FAT3: variants seen among roughly 807,000 people sequenced by gnomAD.
FAT3 encodes protocadherin Fat 3.
A neutral mutation model predicts 310.2 loss-of-function variants in FAT3; 95 were observed. That is an observed-to-expected ratio of 0.31 (90% CI 0.26 to 0.36). FAT3 has a LOEUF of 0.36. FAT3 is among the 10% of genes least tolerant of loss of function. The pLI is 1.00. For missense variants in FAT3, 5,408 were observed against 5,715.6 expected, an observed-to-expected ratio of 0.95 and a Z score of 1.74; for synonymous variants, 2,314 against 2,192.9, an observed-to-expected ratio of 1.06 and a Z score of -1.54.
At chr11:92,585,346 A>G (rs1157589418) in intron 3 of FAT3, among the ~76,000 whole-genome samples, 1 of 152,034 alleles carries the variant, frequency 6.6e-6, no homozygotes, top group African/African-American at 2.4e-5. Flanking sequence ...GTACAAAGCC[A>G]CACAACAGAT....
At chr11:92,467,579 A>C (rs1951798419) in intron 2 of FAT3, among the ~76,000 whole-genome samples, 1 of 152,028 alleles carries the variant, frequency 6.6e-6, no homozygotes, top group Non-Finnish European at 1.5e-5. Flanking sequence ...TCATGTCTGC[A>C]TATGTCCAGG....
chr11:92,339,546 T>G (rs1948185625), intron 1 of FAT3, among the ~76,000 whole-genome samples: 1 of 152,206 alleles, frequency 6.6e-6, no homozygotes, highest in African/African-American at 2.4e-5. Flanking sequence ...CTAAAATATA[T>G]TTAGAATAAT....
chr11:92,798,685 TCTTA>T lies in FAT3; in HGVS notation c.5676_5679del (p.Leu1892PhefsTer11). 6.2e-7 allele frequency: 1 copy of T among 1,613,772 alleles called. No individual in the cohort carries two copies. Among genetic ancestry groups the T allele is most frequent in the African/African-American group, 1.3e-5 (1 of 75,026 alleles). On this transcript the variant is annotated frameshift_variant, in exon 10 of 28. Coordinates refer to ENST00000525166, the MANE Select transcript of FAT3 (RefSeq NM_001367949.2). LOFTEE classifies it high-confidence loss of function. ...TTTACTCAGGCTGTGTTTGAGACTA[TCTTA>T]CTTCTACCTACCTATGTTGGAGTGG...
intron 2 of FAT3, chr11:92,366,405 G>A (rs969155725): frequency 4.5e-5 from 14 of 310,140 alleles, no homozygotes; most frequent in South Asian, 3.8e-4. Flanking sequence ...TTACAGATGT[G>A]GTCAGTGTGA....
chr11:92,752,495 T>C (rs746420818), intron 4 of FAT3, among the ~76,000 whole-genome samples: 1 of 152,248 alleles, frequency 6.6e-6, no homozygotes, highest in Non-Finnish European at 1.5e-5. Flanking sequence ...GAGTACTTGA[T>C]GCATAGCAAG....
chr11:92,732,950 CTGAGTT>C (rs1215050850), intron 4 of FAT3, among the ~76,000 whole-genome samples: 1 of 152,170 alleles, frequency 6.6e-6, no homozygotes, highest in African/African-American at 2.4e-5. Context: ...GGGATAACCA[CTGAGTT>C]TGATGTTAAA....
Position 92,882,785 on chromosome 11 carries a change from G to C in FAT3, c.12329G>C (p.Gly4110Ala), listed in dbSNP as rs766428872. 4.3e-6 allele frequency: 7 copies of C among 1,611,650 alleles called. No individual in the cohort carries two copies. Among genetic ancestry groups the C allele is most frequent in the Non-Finnish European group, 5.9e-6 (7 of 1,179,060 alleles). Reference sequence around the variant, plus strand: ...TGCGAACGAGAGGAGTGTGAGAACGGAGGCTCCTGCGTGAACGTGTTCGGC... The same window carrying C: ...TGCGAACGAGAGGAGTGTGAGAACGCAGGCTCCTGCGTGAACGTGTTCGGC... Reference protein sequence around the residue: ...NECEREECENGGSCVNVFGSF... With the variant: ...NECEREECENAGSCVNVFGSF... The change falls in exon 24 of 28, where the codon GGA becomes GCA. Residue 4110 changes from glycine (G) to alanine (A), a missense_variant. By Grantham distance (60) the Gly-to-Ala change is moderately conservative. Transcript: ENST00000525166.
intron 4 of FAT3, among the ~76,000 whole-genome samples, chr11:92,717,835 A>C (rs560198570): frequency 3.3e-5 from 5 of 152,272 alleles, no homozygotes; most frequent in African/African-American, 1.2e-4. Flanking sequence ...AGAAGAGAAG[A>C]CCTTCATCAG....
At position 92,895,584 on chromosome 11, in the gene FAT3, T is replaced by C. The variant is rs1334780338; in HGVS notation, c.*4471T>C. The C allele has an allele frequency of 6.6e-6, 1 of 152,222 alleles. No individual in the cohort carries two copies. The highest frequency in any genetic ancestry group is 1.5e-5 in the Non-Finnish European group (1 of 68,042). The allele number at this position is 152,222 out of a possible 1,614,324, so 9.4% of individuals were successfully genotyped here. On this transcript the variant is annotated 3_prime_UTR_variant, in exon 28 of 28. Coordinates refer to ENST00000525166, the MANE Select transcript of FAT3 (RefSeq NM_001367949.2). The stretch of plus-strand genomic sequence containing the variant: ...ATTAGTATGTACTGTAGTACCCTTC[T>C]GGCAAACAAATAACTGAATTGCTAC...
intron 3 of FAT3, among the ~76,000 whole-genome samples, chr11:92,628,444 G>C (rs1463814468): frequency 1.3e-5 from 2 of 151,816 alleles, no homozygotes; most frequent in Non-Finnish European, 2.9e-5. Flanking sequence ...CCTTTTTTGT[G>C]AGCAGCTATG....
chr11:92,890,949 C>T lies in FAT3; in HGVS notation c.13606C>T (p.Leu4536=), dbSNP rs1490391681. The T allele has an allele frequency of 2.5e-6, 4 of 1,614,000 alleles. No individual in the cohort carries two copies. The highest frequency in any genetic ancestry group is 3.4e-6 in the Non-Finnish European group (4 of 1,179,866). The part of the protein sequence containing the change: ...EPTGPADSVS[L]SLHNSRGTSS... The stretch of plus-strand genomic sequence containing the variant: ...CACAGGCCCAGCAGACAGCGTGTCT[C>T]TGTCCTTGCACAATTCCAGAGGCAC... Residue 4536 remains leucine (L), a synonymous_variant, in exon 28 of 28, where the codon CTG becomes TTG. Coordinates refer to ENST00000525166, the MANE Select transcript of FAT3 (RefSeq NM_001367949.2).
chr11:92,869,419 A>T (rs951645808), intron 22 of FAT3, among the ~76,000 whole-genome samples: 1 of 152,242 alleles, frequency 6.6e-6, no homozygotes, highest in African/African-American at 2.4e-5. Flanking sequence ...GAGATCCAAG[A>T]AATCCAGGAC....
At chr11:92,744,753 G>T (rs1183068860) in intron 4 of FAT3, among the ~76,000 whole-genome samples, 6 of 151,982 alleles carry the variant, frequency 3.9e-5, no homozygotes, top group Non-Finnish European at 7.4e-5. Context: ...AATATTGGCA[G>T]AAATTTTTAC....
intron 2 of FAT3, among the ~76,000 whole-genome samples, chr11:92,489,664 C>A (rs572741821): frequency 2.8e-4 from 42 of 152,144 alleles, no homozygotes; most frequent in African/African-American, 7.2e-4. Context: ...AAATTTATAA[C>A]ACCTACCAGA....
Position 92,844,690 on chromosome 11 carries a change from G to A in FAT3, c.11323G>A (p.Val3775Met). 3.2e-6 allele frequency: 5 copies of A among 1,580,116 alleles called. No individual in the cohort carries two copies. Among genetic ancestry groups the A allele is most frequent in the Non-Finnish European group, 4.3e-6 (5 of 1,159,066 alleles). ...MTYSTARISF[V>M]CPRFYRNVRC... ...CTACAGCACGGCTCGCATCAGCTTT[G>A]TGTGTCCGCGTTTCTACAGGAACGT... Residue 3775 changes from valine (V) to methionine (M), a missense_variant, in exon 19 of 28, where the codon GTG becomes ATG. Physicochemically the swap from Val to Met is conservative, Grantham distance 21. Coordinates refer to ENST00000525166, the MANE Select transcript of FAT3 (RefSeq NM_001367949.2).
At chr11:92,840,506 A>G (rs561116221) in intron 17 of FAT3, 56 bp from the exon 18 acceptor site, 3 of 1,421,864 alleles carry the variant, frequency 2.1e-6, no homozygotes, top group Admixed American at 2.3e-5. Context: ...GTTTTAATGA[A>G]TGTGAAGAGA....
At chr11:92,601,524 G>T (rs1940025375) in intron 3 of FAT3, among the ~76,000 whole-genome samples, 1 of 152,174 alleles carries the variant, frequency 6.6e-6, no homozygotes, top group South Asian at 2.1e-4. Flanking sequence ...CAACCCAGGA[G>T]ATGGAGGTTG....
intron 4 of FAT3, among the ~76,000 whole-genome samples, chr11:92,727,982 A>G (rs1353790518): frequency 2.0e-5 from 3 of 152,054 alleles, no homozygotes; most frequent in Admixed American, 6.5e-5. Flanking sequence ...TTGAGAGAGC[A>G]TGCTGGCCAG....
At chr11:92,278,715 T>G (rs1217939902) in intron 1 of FAT3, among the ~76,000 whole-genome samples, 1 of 152,188 alleles carries the variant, frequency 6.6e-6, no homozygotes, top group Non-Finnish European at 1.5e-5. Context: ...ATTCTTTAGT[T>G]CTTTAGTTTT....
Sources: allele counts gnomAD v4.1 joint callset (sites outside exome capture counted in the v4.1 genomes callset), GRCh38; gene constraint gnomAD v4.1.1; transcripts MANE v1.5; gene names NCBI Gene and HGNC (gene_info 2026-07-23, HGNC 2026-07-21).